Variants in SV2C observed in about 807,000 individuals in gnomAD.
SV2C encodes solute carrier family 22 member B3.
In SV2C, 49 loss-of-function variants were observed where a neutral mutation model predicts 79.7. The ratio of observed to expected loss-of-function variants is 0.61; its 90% CI spans 0.49 to 0.78. The LOEUF is 0.78. SV2C is among the 30% of genes least tolerant of loss of function. SV2C has a pLI of 0.00. For missense variants in SV2C, 833 were observed against 912.9 expected, an observed-to-expected ratio of 0.91 and a Z score of 1.13; for synonymous variants, 334 against 333.2, an observed-to-expected ratio of 1.00 and a Z score of -0.03.
intron 4 of SV2C, among the ~76,000 whole-genome samples, chr5:76,217,852 C>A (rs113340063): frequency 1.3e-5 from 2 of 152,288 alleles, no homozygotes; most frequent in African/African-American, 4.8e-5. Flanking sequence ...TCAGAATCCT[C>A]CATTTTTCTG....
At chr5:76,094,163 A>C (rs1402238494) in intron 1 of SV2C, among the ~76,000 whole-genome samples, 5 of 152,204 alleles carry the variant, frequency 3.3e-5, no homozygotes, top group South Asian at 2.1e-4. Context: ...CTCCTGAGAA[A>C]TGATTTTGTT....
At chr5:75,955,489 G>A in the SV2C span, among the ~76,000 whole-genome samples, 1 of 150,370 alleles carries the variant, frequency 6.7e-6, no homozygotes, top group Admixed American at 6.6e-5. Flanking sequence ...GCATGGGCAA[G>A]GACTTCATGT....
intron 6 of SV2C, among the ~76,000 whole-genome samples, chr5:76,287,914 A>G (rs1222826312): frequency 6.6e-6 from 1 of 151,982 alleles, no homozygotes; most frequent in Non-Finnish European, 1.5e-5. Context: ...GTGAAACCCC[A>G]TCTCTGCTAA....
intron 2 of SV2C, among the ~76,000 whole-genome samples, chr5:76,174,564 A>T (rs1037322737): frequency 6.6e-6 from 1 of 152,228 alleles, no homozygotes; most frequent in Admixed American, 6.5e-5. Context: ...AGACGATGCT[A>T]TAGACCAGGA....
At chr5:76,301,236 G>C in intron 11 of SV2C, 150 bp from the exon 12 acceptor site, 2 of 1,011,992 alleles carry the variant, frequency 2.0e-6, no homozygotes, top group Non-Finnish European at 2.9e-6. Context: ...CTTTCATTCA[G>C]GTGAATGCAC....
the SV2C span, among the ~76,000 whole-genome samples, chr5:75,893,704 C>T: frequency 6.6e-6 from 1 of 152,020 alleles, no homozygotes; most frequent in African/African-American, 2.4e-5. Flanking sequence ...ATATAATATA[C>T]CCATGTAACA....
At chr5:76,126,714 G>A (rs1466164138) in intron 1 of SV2C, among the ~76,000 whole-genome samples, 1 of 152,170 alleles carries the variant, frequency 6.6e-6, no homozygotes, top group Non-Finnish European at 1.5e-5. Context: ...TACTTTAGAA[G>A]AGCCCGAGTC....
At chr5:75,982,897 AG>A in the SV2C span, among the ~76,000 whole-genome samples, 1 of 152,206 alleles carries the variant, frequency 6.6e-6, no homozygotes, top group Non-Finnish European at 1.5e-5. Flanking sequence ...CTCACTTATA[AG>A]TGGGAGCTGA....
chr5:76,071,310 G>A, the SV2C span, among the ~76,000 whole-genome samples: 5 of 152,134 alleles, frequency 3.3e-5, no homozygotes, highest in South Asian at 2.1e-4. Context: ...AAGACGCACC[G>A]AGCAGGAGTT....
At chr5:75,865,115 C>T in the SV2C span, among the ~76,000 whole-genome samples, 1 of 152,186 alleles carries the variant, frequency 6.6e-6, no homozygotes, top group African/African-American at 2.4e-5. Flanking sequence ...TGGCATGTTA[C>T]TGGGCTCTTG....
chr5:75,929,961 A>G, the SV2C span, among the ~76,000 whole-genome samples: 1 of 152,204 alleles, frequency 6.6e-6, no homozygotes, highest in Non-Finnish European at 1.5e-5. Flanking sequence ...TATCTGTTGT[A>G]CCTACAAAAA....
chr5:76,131,930 G>A lies in SV2C; in HGVS notation c.180G>A (p.Pro60=), dbSNP rs777914646. 14 of 1,613,850 alleles carry A rather than the reference G, an allele frequency of 8.7e-6. No homozygotes were observed. In the East Asian group the frequency reaches 8.9e-5, roughly 10 times the overall value. ...QDEEDDDDYY[P]AGETYNGEAN... is the part of the protein sequence containing the mutation. ...AAGAAGATGATGATGACTACTACCCGGCTGGAGAAACCTATAATGGTGAGG... is the reference window on the plus strand; with the variant it reads ...AAGAAGATGATGATGACTACTACCCAGCTGGAGAAACCTATAATGGTGAGG... Residue 60 remains proline (P), a synonymous_variant, in exon 2 of 13, where the codon CCG becomes CCA. Coordinates refer to ENST00000502798, the MANE Select transcript of SV2C (RefSeq NM_014979.4).
At chr5:75,957,347 A>T in the SV2C span, among the ~76,000 whole-genome samples, 1 of 152,030 alleles carries the variant, frequency 6.6e-6, no homozygotes, top group African/African-American at 2.4e-5. Context: ...AAGATAGATT[A>T]TAGCCAATAA....
At chr5:76,095,252 T>C (rs1247999075) in intron 1 of SV2C, among the ~76,000 whole-genome samples, 2 of 152,090 alleles carry the variant, frequency 1.3e-5, no homozygotes, top group Non-Finnish European at 2.9e-5. Flanking sequence ...AGTTCTTGCA[T>C]CCATGTAGTA....
chr5:76,305,066 G>A (rs187347551), intron 12 of SV2C, among the ~76,000 whole-genome samples: 79 of 152,280 alleles, frequency 5.2e-4, no homozygotes, highest in African/African-American at 1.8e-3. Flanking sequence ...GAGCAAGAGA[G>A]CTCAAGGGGA....
At chr5:75,908,019 T>C in the SV2C span, among the ~76,000 whole-genome samples, 8 of 152,324 alleles carry the variant, frequency 5.3e-5, no homozygotes, top group African/African-American at 1.7e-4. Flanking sequence ...ATGCCAGTGT[T>C]AGTTAGGAAC....
chr5:75,971,634 C>T, the SV2C span, among the ~76,000 whole-genome samples: 1 of 152,064 alleles, frequency 6.6e-6, no homozygotes, highest in Non-Finnish European at 1.5e-5. Context: ...TGAATGACCT[C>T]TTCAAGGAGA....
In SV2C at chr5:76,170,817, C is replaced by T; in HGVS notation, c.581-24102C>T. ...GGGCTGGGGTCGGTGGCTTAGGGAGCCCGTCCGGCCATGGTGGCCGCGGGT... is the reference window on the plus strand; with the variant it reads ...GGGCTGGGGTCGGTGGCTTAGGGAGTCCGTCCGGCCATGGTGGCCGCGGGT... On this transcript the variant is annotated intron_variant, in intron 2 of 12. Coordinates refer to ENST00000502798, the MANE Select transcript of SV2C (RefSeq NM_014979.4). 9.0e-6 allele frequency: 2 copies of T among 222,904 alleles called. 1 individual carries two copies. The highest frequency in any genetic ancestry group is 1.7e-5 in the Non-Finnish European group (2 of 116,814). The allele number at this position is 222,904 out of a possible 1,614,324, so 13.8% of individuals were successfully genotyped here.
the SV2C span, among the ~76,000 whole-genome samples, chr5:75,956,459 G>C: frequency 6.6e-6 from 1 of 151,570 alleles, no homozygotes; most frequent in East Asian, 2.0e-4. Context: ...TGACGAGTTA[G>C]TGGGTGCAGC....
Sources: gnomAD v4.1 joint callset for allele counts (sites outside exome capture counted in the v4.1 genomes callset) on GRCh38, gnomAD v4.1.1 for gene constraint, MANE v1.5 for transcripts, NCBI Gene and HGNC (gene_info 2026-07-23, HGNC 2026-07-21) for gene names.